PDE6B: variants seen among roughly 807,000 people sequenced by gnomAD.
The protein encoded by PDE6B is rod cGMP-specific 3',5'-cyclic phosphodiesterase subunit beta.
In PDE6B, 106 loss-of-function variants were observed where a neutral mutation model predicts 109.0. The observed-to-expected ratio is 0.97, with a 90% CI of 0.83 to 1.14. The LOEUF (loss-of-function observed/expected upper bound fraction) is 1.14, where lower values mean the gene tolerates loss of function less well. Ranked by LOEUF, PDE6B falls within the 50% of genes most tolerant of loss-of-function variation. PDE6B has a pLI of 0.00. For synonymous variants in PDE6B, 490 were observed against 471.3 expected (o/e 1.04, Z -0.51); for missense variants, 1,193 against 1,155.6 (o/e 1.03, Z -0.47).
chr4:663,832 C>T lies in PDE6B; in HGVS notation c.1983C>T (p.Asp661=), dbSNP rs1314471499. 1 of 1,612,072 alleles carries T rather than the reference C, an allele frequency of 6.2e-7. No individual in the cohort carries two copies. Among genetic ancestry groups the T allele is most frequent in the South Asian group, 1.1e-5 (1 of 91,062 alleles). ...ACGAGCACGTGATCCACCTGATGGACATCGCCATCATCGCCACGGACCTGG... is the reference window on the plus strand; with the variant it reads ...ACGAGCACGTGATCCACCTGATGGATATCGCCATCATCGCCACGGACCTGG... ...RQHEHVIHLM[D]IAIIATDLAL... The change falls in exon 16 of 22, where the codon GAC becomes GAT. Residue 661 remains aspartate, a synonymous_variant. Coordinates refer to ENST00000496514, the MANE Select transcript of PDE6B (RefSeq NM_000283.4). The surrounding 1 kb of genome is among the most constrained non-coding windows in gnomAD (Gnocchi z 4.0).
Position 663,324 on chromosome 4 carries a change from C to A in PDE6B, c.1920+137C>A. The A allele has an allele frequency of 1.5e-6, 1 of 689,286 alleles. No homozygotes were observed. The allele number at this position is 689,286 out of a possible 1,614,324, so 42.7% of individuals were successfully genotyped here. On this transcript the variant is annotated intron_variant, in intron 15 of 21. Coordinates refer to ENST00000496514, the MANE Select transcript of PDE6B (RefSeq NM_000283.4). This position sits in a 1 kb window ranked among gnomAD's most constrained non-coding sequence, Gnocchi z 4.0. Reference sequence around the variant, plus strand: ...GTGTGTGAGCACTGGGGGAGGGCGGCAGAGAAGGCGGAGGGCCGAGGCTGA... The same window carrying A: ...GTGTGTGAGCACTGGGGGAGGGCGGAAGAGAAGGCGGAGGGCCGAGGCTGA...
At position 636,312 on chromosome 4, in the gene PDE6B, C is replaced by T. The variant is rs561419782; in HGVS notation, c.711+343C>T. 7.9e-5 allele frequency among the ~76,000 whole-genome samples: 12 copies of T among 152,272 alleles called. No individual in the cohort carries two copies. In the South Asian group the frequency reaches 2.5e-3, roughly 32 times the overall value. ...GGAGCAGAGGGGCTCCCTGGCAGGTCCAGCCCTGGTTGAGAGAGGGTGCAG... is the reference window on the plus strand; with the variant it reads ...GGAGCAGAGGGGCTCCCTGGCAGGTTCAGCCCTGGTTGAGAGAGGGTGCAG... On this transcript the variant is annotated intron_variant, in intron 3 of 21. Transcript: ENST00000496514. This position sits in a 1 kb window ranked among gnomAD's most constrained non-coding sequence, Gnocchi z 4.5.
Position 663,047 on chromosome 4 carries a change from G to T in PDE6B, c.1833-53G>T, listed in dbSNP as rs143341363. On this transcript the variant is annotated intron_variant, in intron 14 of 21. Transcript: ENST00000496514. The surrounding 1 kb of genome is among the most constrained non-coding windows in gnomAD (Gnocchi z 4.0). ...CCATCTGGGGGGGCTGCAGAGCGCAGGGTGGGCCAAGGGCAGGTCCCACGG... is the reference window on the plus strand; with the variant it reads ...CCATCTGGGGGGGCTGCAGAGCGCATGGTGGGCCAAGGGCAGGTCCCACGG... The T allele has an allele frequency of 0.011, 10,882 of 1,004,500 alleles. 83 individuals are homozygous for T. The highest frequency in any genetic ancestry group is 0.013 in the Non-Finnish European group (8,397 of 623,208). The allele number at this position is 1,004,500 out of a possible 1,614,324, so 62.2% of individuals were successfully genotyped here. A position where few individuals can be genotyped will look rare whatever the true frequency, so the allele number is the denominator to read the frequency against.
chr4:662,695 G>C lies in PDE6B; in HGVS notation c.1832+77G>C. On this transcript the variant is annotated intron_variant, in intron 14 of 21. Coordinates refer to ENST00000496514, the MANE Select transcript of PDE6B (RefSeq NM_000283.4). The surrounding 1 kb of genome is among the most constrained non-coding windows in gnomAD (Gnocchi z 4.3). Reference sequence around the variant, plus strand: ...CTTGGCGTGAATTAGGCTTCGCATAGCAGGCTATGTAGAAAGTGGAGTCCA... The same window carrying C: ...CTTGGCGTGAATTAGGCTTCGCATACCAGGCTATGTAGAAAGTGGAGTCCA... 2.1e-6 allele frequency: 2 copies of C among 947,186 alleles called. 1 individual carries two copies. The highest frequency in any genetic ancestry group is 3.5e-6 in the Non-Finnish European group (2 of 579,400). 58.7% of individuals were successfully genotyped at this position (947,186 alleles called of 1,614,324 possible).
At chr4:653,540 A>C in intron 3 of PDE6B, 4 of 492,460 alleles carry the variant, frequency 8.1e-6, no homozygotes, top group Non-Finnish European at 1.1e-5. Flanking sequence ...GGGCGGAGGA[A>C]GGGCTGGTCG....
chr4:640,079 G>T (rs1734874314), intron 3 of PDE6B, among the ~76,000 whole-genome samples: 1 of 152,202 alleles, frequency 6.6e-6, no homozygotes, highest in East Asian at 1.9e-4. Flanking sequence ...GCTGAGGTGG[G>T]AGAATCACTT....
intron 8 of PDE6B, 55 bp downstream of exon 8, chr4:656,347 G>C: frequency 8.7e-7 from 1 of 1,151,236 alleles, no homozygotes; most frequent in Non-Finnish European, 1.3e-6. Flanking sequence ...AGGAGATTTT[G>C]ATTCAGCGAT....
chr4:654,582 C>A (rs573576737), intron 5 of PDE6B: 1 of 619,376 alleles, frequency 1.6e-6, no homozygotes, highest in East Asian at 2.8e-5. Context: ...GTATTGGGGA[C>A]GGTCTGCATG....
In PDE6B at chr4:660,622, C is replaced by T. The variant is rs776078128; in HGVS notation, c.1614+9C>T. Reference sequence around the variant, plus strand: ...TCCAGATCCCCCAGGAGGTGGGAGACACCGCAGGGCGCATAGTCAGGTCCC... The same window carrying T: ...TCCAGATCCCCCAGGAGGTGGGAGATACCGCAGGGCGCATAGTCAGGTCCC... On this transcript the variant is annotated intron_variant, in intron 12 of 21. Transcript: ENST00000496514. The T allele has an allele frequency of 6.2e-7, 1 of 1,612,906 alleles. No homozygotes were observed. The highest frequency in any genetic ancestry group is 8.5e-7 in the Non-Finnish European group (1 of 1,179,484).
intron 3 of PDE6B, chr4:653,247 C>G (rs1235574066): frequency 2.0e-6 from 2 of 1,009,856 alleles, no homozygotes; most frequent in South Asian, 8.2e-5. Flanking sequence ...TGTGAGGAGG[C>G]AGGGCCTGGT....
At position 643,905 on chromosome 4, in the gene PDE6B, T is replaced by C. The variant is rs564089750; in HGVS notation, c.711+7936T>C. Reference sequence around the variant, plus strand: ...GACAGGTTGTATATTTTTATTCTTATTTAGTTCAAAATCTTTTTTTTTTTT... The same window carrying C: ...GACAGGTTGTATATTTTTATTCTTACTTAGTTCAAAATCTTTTTTTTTTTT... On this transcript the variant is annotated intron_variant, in intron 3 of 21. Transcript: ENST00000496514. Among the ~76,000 whole-genome samples the C allele has an allele frequency of 3.9e-3, 582 of 151,064 alleles. 9 individuals carry two copies. The highest frequency in any genetic ancestry group is 0.014 in the African/African-American group (563 of 40,864).
rs1465409845 is a variant in PDE6B, at chr4:636,477, G to C, written c.711+508G>C. Among the ~76,000 whole-genome samples, 1 of 152,054 alleles carries C rather than the reference G, an allele frequency of 6.6e-6. No homozygotes were observed. Among genetic ancestry groups the C allele is most frequent in the Admixed American group, 6.6e-5 (1 of 15,266 alleles). On this transcript the variant is annotated intron_variant, in intron 3 of 21. Coordinates refer to ENST00000496514, the MANE Select transcript of PDE6B (RefSeq NM_000283.4). The surrounding 1 kb of genome is among the most constrained non-coding windows in gnomAD (Gnocchi z 4.5). Reference sequence around the variant, plus strand: ...ACCTTAAGGAGTCAGGTGTGCCGAGGTGCGTGGGAAAACGCAGGGGGATGA... The same window carrying C: ...ACCTTAAGGAGTCAGGTGTGCCGAGCTGCGTGGGAAAACGCAGGGGGATGA...
intron 3 of PDE6B, among the ~76,000 whole-genome samples, chr4:649,101 G>C (rs1275467746): frequency 6.6e-6 from 1 of 152,214 alleles, no homozygotes; most frequent in Non-Finnish European, 1.5e-5. Context: ...ATCCACGCTG[G>C]CACAGCAGTC....
At chr4:655,437 G>A in intron 6 of PDE6B, 1 of 283,228 alleles carries the variant, frequency 3.5e-6, no homozygotes, top group Non-Finnish European at 6.8e-6. Flanking sequence ...CAGGATCCAG[G>A]TGCCAGGCTT....
chr4:656,016 G>A lies in PDE6B; in HGVS notation c.1059+10G>A, dbSNP rs377101351. The A allele has an allele frequency of 1.9e-4, 303 of 1,561,344 alleles. No homozygotes were observed. Among genetic ancestry groups the A allele is most frequent in the Non-Finnish European group, 2.5e-4 (287 of 1,132,862 alleles). On this transcript the variant is annotated intron_variant, in intron 7 of 21. Coordinates refer to ENST00000496514, the MANE Select transcript of PDE6B (RefSeq NM_000283.4). ...GGCAGAAAGCGGCTTTGTGAGTCCC[G>A]TGCTGTCTGGAGTCCCCACAGCCTT...
At chr4:654,422 C>A (rs1735945680) in intron 5 of PDE6B, 1 of 627,522 alleles carries the variant, frequency 1.6e-6, no homozygotes, top group East Asian at 2.8e-5. Flanking sequence ...TCCTGCTGCC[C>A]CATCTCCCCA....
chr4:646,829 T>C (rs958780382), intron 3 of PDE6B, among the ~76,000 whole-genome samples: 2 of 151,946 alleles, frequency 1.3e-5, no homozygotes, highest in Admixed American at 6.6e-5. Flanking sequence ...CGTTTTCTAG[T>C]AGCGCCTTTA....
Position 654,122 on chromosome 4 carries a change from C to A in PDE6B, c.895C>A (p.Pro299Thr). Residue 299 changes from proline (P) to threonine (T), a missense_variant, in exon 5 of 22, where the codon CCG becomes ACG. Physicochemically the swap from Pro to Thr is conservative, Grantham distance 38. Coordinates refer to ENST00000496514, the MANE Select transcript of PDE6B (RefSeq NM_000283.4). ...GTCTGTGCTGATGGGAGAGTCCCAGCCGTACTCGGGCCCACGCACGCCTGA... is the reference window on the plus strand; with the variant it reads ...GTCTGTGCTGATGGGAGAGTCCCAGACGTACTCGGGCCCACGCACGCCTGA... ...VWSVLMGESQ[P>T]YSGPRTPDGR... 1 of 1,613,850 alleles carries A rather than the reference C, an allele frequency of 6.2e-7. No individual in the cohort carries two copies. Among genetic ancestry groups the A allele is most frequent in the Non-Finnish European group, 8.5e-7 (1 of 1,180,020 alleles).
In PDE6B at chr4:670,060, T is replaced by G; in HGVS notation, c.2518T>G (p.Cys840Gly). The G allele has an allele frequency of 6.2e-7, 1 of 1,613,218 alleles. No individual in the cohort carries two copies. Among genetic ancestry groups the G allele is most frequent in the South Asian group, 1.1e-5 (1 of 91,086 alleles). Residue 840 changes from cysteine to glycine, a missense_variant, in exon 22 of 22, where the codon TGC (cysteine) becomes GGC (glycine). Physicochemically the swap from Cys to Gly is radical, Grantham distance 159. Transcript: ENST00000496514. ...VAAKKVGTEI[C>G]NGGPAPKSST... The stretch of plus-strand genomic sequence containing the variant: ...TTCTCTTGCAGTAGGCACAGAAATT[T>G]GCAATGGCGGCCCAGCACCCAAGTC...
Sources: allele counts gnomAD v4.1 joint callset (sites outside exome capture counted in the v4.1 genomes callset), GRCh38; gene constraint gnomAD v4.1.1; non-coding constraint Gnocchi (gnomAD v3.1); transcripts MANE v1.5; gene names NCBI Gene and HGNC (gene_info 2026-07-23, HGNC 2026-07-21).